Variants in PTPRO observed in about 807,000 individuals in gnomAD.
PTPRO encodes receptor-type tyrosine-protein phosphatase O.
In PTPRO, 62 loss-of-function variants were observed where a neutral mutation model predicts 145.2. The observed-to-expected ratio is 0.43, with a 90% CI of 0.35 to 0.53. The LOEUF is 0.53. PTPRO is among the 20% of genes least tolerant of loss of function. PTPRO has a pLI of 0.01. For missense variants in PTPRO, 1,345 were observed against 1,482.7 expected (o/e 0.91, Z 1.53); for synonymous variants, 565 against 514.7 (o/e 1.10, Z -1.32).
intron 1 of PTPRO, among the ~76,000 whole-genome samples, chr12:15,329,914 T>C (rs973998942): frequency 6.6e-6 from 1 of 152,192 alleles, no homozygotes. Context: ...TTTAAATATA[T>C]ACACACAAAG....
chr12:15,467,561 C>T (rs972744773), intron 1 of PTPRO, among the ~76,000 whole-genome samples: 7 of 152,080 alleles, frequency 4.6e-5, no homozygotes, highest in Non-Finnish European at 1.5e-5. Flanking sequence ...CATCATTTCT[C>T]TCCTAACTAA....
chr12:15,426,448 T>A (rs1028750954), intron 1 of PTPRO, among the ~76,000 whole-genome samples: 2 of 152,080 alleles, frequency 1.3e-5, no homozygotes, highest in Admixed American at 1.3e-4. Context: ...CTATTCGTGA[T>A]AATATTCTTA....
rs78730819 is a variant in PTPRO at position 15,351,407 on chromosome 12, T to C, written c.75+28606T>C. Among the ~76,000 whole-genome samples the C allele has an allele frequency of 7.6e-3, 1,153 of 152,276 alleles. 9 individuals carry two copies. The highest frequency in any genetic ancestry group is 0.026 in the African/African-American group (1,060 of 41,548). ...ACTCCTGCCTCCCTGTAAGTGTACA[T>C]GTCAGGCTAGGCAATCAGTGTATCC... On this transcript the variant is annotated intron_variant, in intron 1 of 26. Transcript: ENST00000281171.
At chr12:15,513,303 G>C (rs138410350) in intron 7 of PTPRO, among the ~76,000 whole-genome samples, 4 of 143,962 alleles carry the variant, frequency 2.8e-5, no homozygotes, top group African/African-American at 1.0e-4. Context: ...AAGGAAGGAA[G>C]GGAAACTCTC....
chr12:15,586,760 C>A, intron 23 of PTPRO, 137 bp from the exon 24 acceptor site: 1 of 912,998 alleles, frequency 1.1e-6, no homozygotes, highest in Admixed American at 2.1e-5. Flanking sequence ...ATATGGTGCT[C>A]AAAGCTGGAA....
chr12:15,345,608 G>A (rs887765979), intron 1 of PTPRO, among the ~76,000 whole-genome samples: 1 of 152,046 alleles, frequency 6.6e-6, no homozygotes, highest in Non-Finnish European at 1.5e-5. Context: ...GGGCCTGTCG[G>A]GGGGTGGGGG....
chr12:15,407,384 G>A (rs1939676898), intron 1 of PTPRO, among the ~76,000 whole-genome samples: 3 of 151,936 alleles, frequency 2.0e-5, no homozygotes, highest in Non-Finnish European at 1.5e-5. Context: ...TTGATCACCA[G>A]ATCTGAAAGT....
At chr12:15,436,441 C>A (rs2136350103) in intron 1 of PTPRO, among the ~76,000 whole-genome samples, 1 of 152,172 alleles carries the variant, frequency 6.6e-6, no homozygotes, top group South Asian at 2.1e-4. Flanking sequence ...TTTTAAACAG[C>A]CCTGTGATGG....
At chr12:15,363,381 A>T (rs1289973125) in intron 1 of PTPRO, among the ~76,000 whole-genome samples, 1 of 152,214 alleles carries the variant, frequency 6.6e-6, no homozygotes, top group East Asian at 1.9e-4. Flanking sequence ...CAAATTAAAC[A>T]TACCTCCTTC....
intron 1 of PTPRO, among the ~76,000 whole-genome samples, chr12:15,439,117 T>G (rs1379231589): frequency 6.6e-6 from 1 of 152,316 alleles, no homozygotes; most frequent in East Asian, 1.9e-4. Context: ...ACTGGGGGCC[T>G]ATTTTCAGCA....
intron 2 of PTPRO, among the ~76,000 whole-genome samples, chr12:15,486,565 T>C (rs921627389): frequency 2.6e-5 from 4 of 152,124 alleles, no homozygotes; most frequent in Admixed American, 2.6e-4. Flanking sequence ...TTATATGTAA[T>C]AGTAGATTTT....
At chr12:15,455,498 C>T (rs978522377) in intron 1 of PTPRO, among the ~76,000 whole-genome samples, 1 of 152,102 alleles carries the variant, frequency 6.6e-6, no homozygotes, top group Non-Finnish European at 1.5e-5. Context: ...CACAGGACAC[C>T]TTTCCAATTG....
chr12:15,454,666 T>C, intron 1 of PTPRO, among the ~76,000 whole-genome samples: 1 of 152,206 alleles, frequency 6.6e-6, no homozygotes, highest in East Asian at 1.9e-4. Flanking sequence ...ACAACCAGTG[T>C]CATGAAGCTT....
At chr12:15,424,794 G>A (rs1940238875) in intron 1 of PTPRO, among the ~76,000 whole-genome samples, 1 of 152,018 alleles carries the variant, frequency 6.6e-6, no homozygotes, top group Non-Finnish European at 1.5e-5. Context: ...CAGCAAGTAT[G>A]TAGAGTGTTT....
At chr12:15,337,471 C>T (rs1866804417) in intron 1 of PTPRO, 2 of 152,200 alleles carry the variant, frequency 1.3e-5, no homozygotes, top group Non-Finnish European at 2.9e-5. Flanking sequence ...TTACCTCTTC[C>T]TGAAAACACA....
chr12:15,405,474 A>G (rs1939621728), intron 1 of PTPRO, among the ~76,000 whole-genome samples: 1 of 152,160 alleles, frequency 6.6e-6, no homozygotes, highest in South Asian at 2.1e-4. Context: ...ACTCTAATTG[A>G]TATGAGTTCT....
intron 1 of PTPRO, among the ~76,000 whole-genome samples, chr12:15,464,443 C>A (rs113149813): frequency 6.6e-6 from 1 of 151,996 alleles, no homozygotes; most frequent in Admixed American, 6.6e-5. Context: ...CAAGCTCCAC[C>A]TCCTGGGTTC....
intron 15 of PTPRO, among the ~76,000 whole-genome samples, chr12:15,557,249 G>C (rs958980418): frequency 1.2e-4 from 18 of 151,962 alleles, no homozygotes; most frequent in South Asian, 2.1e-4. Flanking sequence ...CCATGTTGGC[G>C]AAACTCCTGA....
chr12:15,454,471 C>T (rs2136384676), intron 1 of PTPRO, among the ~76,000 whole-genome samples: 1 of 152,202 alleles, frequency 6.6e-6, no homozygotes, highest in Middle Eastern at 3.4e-3. Flanking sequence ...TTATTAACCC[C>T]TTATGAGATA....
Sources: allele counts gnomAD v4.1 joint callset (sites outside exome capture counted in the v4.1 genomes callset), GRCh38; gene constraint gnomAD v4.1.1; transcripts MANE v1.5; gene names NCBI Gene and HGNC (gene_info 2026-07-23, HGNC 2026-07-21).